Variants in CDC5L observed in about 807,000 individuals in gnomAD.
CDC5L encodes cell division cycle 5 like.
A neutral mutation model predicts 104.1 loss-of-function variants in CDC5L; 18 were observed. That is an observed-to-expected ratio of 0.17 (90% confidence interval 0.12 to 0.26). The LOEUF (loss-of-function observed/expected upper bound fraction) is 0.26, where lower values mean the gene tolerates loss of function less well. CDC5L is among the 10% of genes least tolerant of loss of function. CDC5L has a pLI of 1.00. For synonymous variants in CDC5L, 331 were observed against 322.7 expected (o/e 1.03, Z -0.28); for missense variants, 673 against 956.9 (o/e 0.70, Z 3.91).
chr6:44,420,642 G>A (rs1456194730), intron 9 of CDC5L, among the ~76,000 whole-genome samples: 1 of 152,106 alleles, frequency 6.6e-6, no homozygotes, highest in Non-Finnish European at 1.5e-5. Context: ...ACAGGTGTGA[G>A]CCACTGCGCC....
chr6:44,411,717 T>G (rs1018681425), intron 8 of CDC5L, among the ~76,000 whole-genome samples: 1 of 151,956 alleles, frequency 6.6e-6, no homozygotes, highest in South Asian at 2.1e-4. Flanking sequence ...TTATATTGTT[T>G]CGTGAAAGTT....
chr6:44,426,698 A>G lies in CDC5L; in HGVS notation c.1867A>G (p.Lys623Glu), dbSNP rs150583791. 6.2e-7 allele frequency: 1 copy of G among 1,612,842 alleles called. No homozygotes were observed. The highest frequency in any genetic ancestry group is 1.3e-5 in the African/African-American group (1 of 75,004). The change falls in exon 13 of 16, where the codon AAG becomes GAG. Residue 623 changes from lysine to glutamate, a missense_variant. Coordinates refer to ENST00000371477, the MANE Select transcript of CDC5L (RefSeq NM_001253.4). The stretch of plus-strand genomic sequence containing the variant: ...CTATCTGGAACATAATCCTTATGAA[A>G]AGTTCTCCAAAGAAGAGCTGAAAAA... The part of the protein sequence containing the change: ...ITYLEHNPYE[K>E]FSKEELKKAQ...
At chr6:44,431,773 A>G (rs1165271803) in intron 14 of CDC5L, among the ~76,000 whole-genome samples, 1 of 152,234 alleles carries the variant, frequency 6.6e-6, no homozygotes, top group African/African-American at 2.4e-5. Flanking sequence ...AAATACAGAA[A>G]GAGCCACTCC....
chr6:44,418,325 C>G (rs1791996141), intron 8 of CDC5L, among the ~76,000 whole-genome samples: 2 of 152,148 alleles, frequency 1.3e-5, no homozygotes, highest in Admixed American at 1.3e-4. Flanking sequence ...AGGACATGAA[C>G]TCATCATTTT....
At chr6:44,427,423 A>G (rs551974763) in intron 13 of CDC5L, among the ~76,000 whole-genome samples, 1 of 152,300 alleles carries the variant, frequency 6.6e-6, no homozygotes, top group African/African-American at 2.4e-5. Flanking sequence ...CCTGAGGAGC[A>G]GTGATAGACC....
chr6:44,429,015 C>CTTTTTTTTTTT (rs922435895), intron 13 of CDC5L, among the ~76,000 whole-genome samples: 1 of 95,598 alleles, frequency 1.0e-5, no homozygotes, highest in Non-Finnish European at 1.9e-5. Context: ...GTTTCATTAG[C>CTTTTTTTTTTT]TTTTTTTTTT....
At position 44,446,612 on chromosome 6, in the gene CDC5L, A is replaced by C. The variant is rs767579759; in HGVS notation, c.2310A>C (p.Leu770=). 29 of 1,541,720 alleles carry C rather than the reference A, an allele frequency of 1.9e-5. No homozygotes were observed. The highest frequency in any genetic ancestry group is 2.8e-5 in the African/African-American group (2 of 71,946). The change falls in exon 16 of 16, where the codon CTA becomes CTC. Residue 770 remains leucine, a synonymous_variant. Coordinates refer to ENST00000371477, the MANE Select transcript of CDC5L (RefSeq NM_001253.4). ...CTTAATTTTTTTTCTTTAAGTGTCT[A>C]AAAGAAGACGTTCAGCGACAACAAG... ...DSAIPRRLEC[L]KEDVQRQQER... is the part of the protein sequence containing the mutation.
At chr6:44,430,211 A>G (rs1381116522) in intron 14 of CDC5L, among the ~76,000 whole-genome samples, 1 of 151,956 alleles carries the variant, frequency 6.6e-6, no homozygotes, top group Non-Finnish European at 1.5e-5. Flanking sequence ...CAAGAAGCCA[A>G]TACTAGTCAC....
chr6:44,446,358 G>T (rs921163623), intron 15 of CDC5L, among the ~76,000 whole-genome samples: 2 of 152,224 alleles, frequency 1.3e-5, no homozygotes, highest in Admixed American at 1.3e-4. Flanking sequence ...AAGTGCATTT[G>T]TGGGTATTGA....
At chr6:44,391,948 A>G (rs1423305416) in intron 2 of CDC5L, among the ~76,000 whole-genome samples, 1 of 152,188 alleles carries the variant, frequency 6.6e-6, no homozygotes, top group East Asian at 1.9e-4. Context: ...AGATGCTGCC[A>G]CTGCACTCCA....
intron 2 of CDC5L, among the ~76,000 whole-genome samples, chr6:44,390,657 G>A (rs1790546834): frequency 6.6e-6 from 1 of 152,130 alleles, no homozygotes. Context: ...ATGGGTTAAT[G>A]TATTTGAGAG....
chr6:44,388,824 G>T (rs1374713053), intron 1 of CDC5L, among the ~76,000 whole-genome samples: 1 of 151,924 alleles, frequency 6.6e-6, no homozygotes, highest in African/African-American at 2.4e-5. Context: ...TCTTCCGTTT[G>T]TTAAAACTTG....
chr6:44,397,471 A>T (rs548918685), intron 5 of CDC5L, among the ~76,000 whole-genome samples: 1 of 151,958 alleles, frequency 6.6e-6, no homozygotes, highest in African/African-American at 2.4e-5. Flanking sequence ...TTTTCCCCCA[A>T]CCATTTCAGA....
Position 44,419,557 on chromosome 6 carries a change from G to A in CDC5L, c.1201G>A (p.Val401Ile), listed in dbSNP as rs755922645. ...DFSGVTPQRQVVQTPNTVLST... is the reference protein window; with the variant it reads ...DFSGVTPQRQIVQTPNTVLST... ...CTCAGGTGTAACTCCACAGCGACAAGTTGTACAGACTCCAAACACAGTTCT... is the reference window on the plus strand; with the variant it reads ...CTCAGGTGTAACTCCACAGCGACAAATTGTACAGACTCCAAACACAGTTCT... Residue 401 changes from valine to isoleucine, a missense_variant, in exon 9 of 16, where the codon GTT (valine) becomes ATT (isoleucine). This residue lies in a region of CDC5L where 578 missense variants were observed against 737.0 expected (regional missense o/e 0.78). Transcript: ENST00000371477. 1.9e-6 allele frequency: 3 copies of A among 1,613,818 alleles called. No individual in the cohort carries two copies. The highest frequency in any genetic ancestry group is 2.5e-6 in the Non-Finnish European group (3 of 1,179,684).
intron 8 of CDC5L, among the ~76,000 whole-genome samples, chr6:44,417,748 T>C (rs570780588): frequency 1.3e-5 from 2 of 152,294 alleles, no homozygotes; most frequent in Non-Finnish European, 2.9e-5. Flanking sequence ...CCCCCACAAG[T>C]TGTTTTCTTG....
intron 2 of CDC5L, 71 bp from the exon 3 acceptor site, chr6:44,392,596 G>A: frequency 7.6e-7 from 1 of 1,321,654 alleles, no homozygotes; most frequent in Non-Finnish European, 1.1e-6. Flanking sequence ...ACAAGTCAGT[G>A]TATCCATTGT....
At chr6:44,444,849 CCTT>C (rs1793373941) in intron 14 of CDC5L, among the ~76,000 whole-genome samples, 1 of 152,154 alleles carries the variant, frequency 6.6e-6, no homozygotes, top group Non-Finnish European at 1.5e-5. Flanking sequence ...TGGACAGACT[CCTT>C]CTAGGAGGAA....
intron 5 of CDC5L, among the ~76,000 whole-genome samples, 175 bp downstream of exon 5, chr6:44,396,615 A>G (rs1175684170): frequency 6.6e-6 from 1 of 151,520 alleles, no homozygotes; most frequent in African/African-American, 2.4e-5. Flanking sequence ...TAACTCTAAT[A>G]CTGTCTACCT....
intron 2 of CDC5L, among the ~76,000 whole-genome samples, chr6:44,391,873 G>A (rs1790638785): frequency 6.6e-6 from 1 of 152,092 alleles, no homozygotes; most frequent in African/African-American, 2.4e-5. Flanking sequence ...CAGGCGTGGT[G>A]GCTACTTGGG....
Sources: allele counts gnomAD v4.1 joint callset (sites outside exome capture counted in the v4.1 genomes callset), GRCh38; gene constraint gnomAD v4.1.1; regional missense constraint gnomAD v4.1.1; transcripts MANE v1.5; gene names NCBI Gene and HGNC (gene_info 2026-07-23, HGNC 2026-07-21).